Variants in RNGTT observed in about 807,000 individuals in gnomAD.
The protein encoded by RNGTT is RNA guanylyltransferase and 5'-phosphatase.
A neutral mutation model predicts 79.3 loss-of-function variants in RNGTT; 33 were observed. The ratio of observed to expected loss-of-function variants is 0.42; its 90% CI spans 0.32 to 0.56. The LOEUF is 0.56. Ranked by LOEUF, RNGTT falls within the 20% of genes least tolerant of loss-of-function variation. The probability of loss-of-function intolerance (pLI) is 0.17; values close to 1 mark genes in which losing one functional copy is unlikely to be tolerated. For synonymous variants in RNGTT, 222 were observed against 235.9 expected (o/e 0.94, Z 0.54); for missense variants, 497 against 739.1 (o/e 0.67, Z 3.80).
chr6:88,666,582 G>A (rs1027956640), intron 14 of RNGTT, among the ~76,000 whole-genome samples: 4 of 152,150 alleles, frequency 2.6e-5, no homozygotes, highest in South Asian at 2.1e-4. Context: ...AATGAACCCC[G>A]CCACTGCTTC....
chr6:88,762,365 C>A (rs1228838534), intron 13 of RNGTT, among the ~76,000 whole-genome samples: 14 of 152,150 alleles, frequency 9.2e-5, no homozygotes. Flanking sequence ...TAACATATCT[C>A]CAAGGGAAAT....
intron 8 of RNGTT, among the ~76,000 whole-genome samples, chr6:88,887,944 T>C (rs4706327): frequency 0.92 from 140,091 of 152,186 alleles, 64,723 homozygotes; most frequent in East Asian, 1. Context: ...GGCAAGATCA[T>C]ATCTCTACAG....
At chr6:88,762,181 T>C (rs1562239362) in intron 13 of RNGTT, among the ~76,000 whole-genome samples, 1 of 152,100 alleles carries the variant, frequency 6.6e-6, no homozygotes, top group Non-Finnish European at 1.5e-5. Context: ...TGTCCACAAA[T>C]ACAACCTGCG....
intron 14 of RNGTT, among the ~76,000 whole-genome samples, chr6:88,658,732 A>G (rs1203655861): frequency 6.6e-6 from 1 of 152,238 alleles, no homozygotes; most frequent in Non-Finnish European, 1.5e-5. Context: ...CCAGAATAAA[A>G]GCAGGCAGAG....
At chr6:88,771,318 T>C (rs1778663423) in intron 12 of RNGTT, among the ~76,000 whole-genome samples, 1 of 73,856 alleles carries the variant, frequency 1.4e-5, no homozygotes, top group Non-Finnish European at 2.8e-5. Flanking sequence ...TGTGTGTGTA[T>C]ATATATATAT....
intron 12 of RNGTT, among the ~76,000 whole-genome samples, chr6:88,771,315 G>GTGTGTGTATA (rs1303688973): frequency 0.017 from 1,021 of 61,708 alleles, 9 homozygotes; most frequent in Non-Finnish European, 0.023. Context: ...GTGTGTGTGT[G>GTGTGTGTATA]TATATATATA....
chr6:88,820,560 A>G (rs1780464039), intron 11 of RNGTT, among the ~76,000 whole-genome samples: 1 of 152,204 alleles, frequency 6.6e-6, no homozygotes, highest in South Asian at 2.1e-4. Flanking sequence ...TCCTGGAACT[A>G]ATAAGCAATT....
intron 11 of RNGTT, among the ~76,000 whole-genome samples, chr6:88,803,630 G>A (rs1475403937): frequency 7.2e-6 from 1 of 139,776 alleles, no homozygotes; most frequent in East Asian, 2.1e-4. Context: ...GAGCAATGAT[G>A]CAATAAAAAC....
chr6:88,650,446 C>T (rs1187075236), intron 14 of RNGTT, among the ~76,000 whole-genome samples: 3 of 152,166 alleles, frequency 2.0e-5, no homozygotes, highest in Non-Finnish European at 4.4e-5. Context: ...CAGCTGAAAT[C>T]AGCCCTGAGT....
At position 88,963,495 on chromosome 6, in the gene RNGTT, G is replaced by T; in HGVS notation, c.-86C>A. 1 of 1,296,062 alleles carries T rather than the reference G, an allele frequency of 7.7e-7. No homozygotes were observed. 80.3% of individuals were successfully genotyped at this position (1,296,062 alleles called of 1,614,324 possible). ...CTCCCCGTGGTCCGGTGCACACCGG[G>T]GTCCGAGACACCCGAATCGCAGCCG... is the stretch of plus-strand genomic sequence containing the variant. On this transcript the variant is annotated 5_prime_UTR_variant, in exon 1 of 16. Transcript: ENST00000369485.
At chr6:88,811,960 T>C (rs1429004973) in intron 11 of RNGTT, among the ~76,000 whole-genome samples, 1 of 152,258 alleles carries the variant, frequency 6.6e-6, no homozygotes, top group East Asian at 1.9e-4. Context: ...TGGATACTAA[T>C]CTTTATTGGT....
At chr6:88,679,185 T>G (rs1253293063) in intron 13 of RNGTT, among the ~76,000 whole-genome samples, 1 of 152,106 alleles carries the variant, frequency 6.6e-6, no homozygotes, top group Non-Finnish European at 1.5e-5. Flanking sequence ...GACAAATACC[T>G]ATAACCTTAA....
intron 14 of RNGTT, among the ~76,000 whole-genome samples, chr6:88,661,397 T>C (rs75199534): frequency 6.6e-6 from 1 of 151,318 alleles, no homozygotes; most frequent in African/African-American, 2.4e-5. Context: ...CTTGAAAAGG[T>C]TAAAAAAAAT....
chr6:88,849,793 C>G lies in RNGTT; in HGVS notation c.1066G>C (p.Val356Leu), dbSNP rs201371301. 1.3e-6 allele frequency: 2 copies of G among 1,570,372 alleles called. No homozygotes were observed. The highest frequency in any genetic ancestry group is 1.7e-4 in the Middle Eastern group (1 of 5,902). Residue 356 changes from valine (V) to leucine (L), a missense_variant, in exon 10 of 16, where the codon GTT becomes CTT. By Grantham distance (32) the Val-to-Leu change is conservative. Around this residue, in one of 3 missense-constraint regions of RNGTT, gnomAD observed 440 missense variants for 671.5 expected, o/e 0.66. Coordinates refer to ENST00000369485, the MANE Select transcript of RNGTT (RefSeq NM_003800.5). ...ATGTCATATATCAAATATCTAGGAA[C>G]AGCCTGTCCATTTACTCTGTCAATA... ...MIIDRVNGQA[V>L]PRYLIYDIIK... is the part of the protein sequence containing the mutation.
At chr6:88,837,807 C>T (rs1173637484) in intron 11 of RNGTT, among the ~76,000 whole-genome samples, 1 of 152,102 alleles carries the variant, frequency 6.6e-6, no homozygotes, top group African/African-American at 2.4e-5. Context: ...ACTTGTTTCA[C>T]CTGATAAAAC....
At chr6:88,871,245 C>A (rs997776791) in intron 8 of RNGTT, among the ~76,000 whole-genome samples, 1 of 151,972 alleles carries the variant, frequency 6.6e-6, no homozygotes, top group Non-Finnish European at 1.5e-5. Context: ...TCAAAACAAG[C>A]TAAATTTACA....
At chr6:88,727,406 A>G (rs191077115) in intron 13 of RNGTT, among the ~76,000 whole-genome samples, 31 of 152,356 alleles carry the variant, frequency 2.0e-4, no homozygotes, top group African/African-American at 7.5e-4. Flanking sequence ...CATATTGGCT[A>G]AAGTTAAAGG....
chr6:88,858,782 C>A (rs2127911771), intron 8 of RNGTT, among the ~76,000 whole-genome samples: 1 of 152,154 alleles, frequency 6.6e-6, no homozygotes, highest in South Asian at 2.1e-4. Context: ...AGGAGTCAAC[C>A]CAGCACAGGT....
chr6:88,684,010 C>T (rs1269693005), intron 13 of RNGTT, among the ~76,000 whole-genome samples: 3 of 151,832 alleles, frequency 2.0e-5, no homozygotes, highest in African/African-American at 7.3e-5. Flanking sequence ...AAAAACCCGT[C>T]TCTAAAAACA....
Sources: gnomAD v4.1 joint callset for allele counts (sites outside exome capture counted in the v4.1 genomes callset) on GRCh38, gnomAD v4.1.1 for gene constraint, gnomAD v4.1.1 regional missense constraint, MANE v1.5 for transcripts, NCBI Gene and HGNC (gene_info 2026-07-23, HGNC 2026-07-21) for gene names.